DGKA: variants seen among roughly 807,000 people sequenced by gnomAD.
The protein encoded by DGKA is 80 kDa diacylglycerol kinase.
DGKA carries 35 observed loss-of-function variants against 105.0 expected under a neutral mutation model. The ratio of observed to expected loss-of-function variants is 0.33; its 90% CI spans 0.25 to 0.44. The LOEUF is 0.44. Among genes scored for constraint, DGKA ranks in the 20% least tolerant of loss-of-function variants. The probability of loss-of-function intolerance (pLI) is 1.00; values close to 1 mark genes in which losing one functional copy is unlikely to be tolerated. For synonymous variants in DGKA, 296 were observed against 332.0 expected (o/e 0.89, Z 1.18); for missense variants, 665 against 915.0 (o/e 0.73, Z 3.53).
At position 55,953,406 on chromosome 12, in the gene DGKA, G is replaced by A; in HGVS notation, c.2120G>A (p.Cys707Tyr). 6.2e-7 allele frequency: 1 copy of A among 1,614,136 alleles called. No homozygotes were observed. Among genetic ancestry groups the A allele is most frequent in the Non-Finnish European group, 8.5e-7 (1 of 1,180,024 alleles). Residue 707 changes from cysteine (C) to tyrosine (Y), a missense_variant, in exon 23 of 24, where the codon TGT becomes TAT. Cys to Tyr is a radical substitution (Grantham distance 194). Transcript: ENST00000331886. The part of the protein sequence containing the change: ...IDGEPWMQTP[C>Y]TIKITHKNQM... ...GGAGAACCCTGGATGCAGACGCCCT[G>A]TACAGTGAGTATTGACGATCCCAGC...
chr12:55,935,522 G>GGAA (rs1884457278), intron 1 of DGKA: 1 of 152,238 alleles, frequency 6.6e-6, no homozygotes, highest in Non-Finnish European at 1.5e-5. Context: ...CGGAGTGGAA[G>GGAA]GAAGTTCCCA....
Position 55,940,603 on chromosome 12 carries a change from T to G in DGKA, c.919-21T>G, listed in dbSNP as rs934916576. ...GACAGGGTTACCTTCGTGATCTCTCTGTGCCCACCTCGTCTTTCAGATCCA... is the reference window on the plus strand; with the variant it reads ...GACAGGGTTACCTTCGTGATCTCTCGGTGCCCACCTCGTCTTTCAGATCCA... On this transcript the variant is annotated intron_variant, in intron 11 of 23. Coordinates refer to ENST00000331886, the MANE Select transcript of DGKA (RefSeq NM_001345.5). This position sits in a 1 kb window ranked among gnomAD's most constrained non-coding sequence, Gnocchi z 4.3. 6.4e-7 allele frequency: 1 copy of G among 1,566,448 alleles called. No individual in the cohort carries two copies. The highest frequency in any genetic ancestry group is 1.4e-5 in the African/African-American group (1 of 73,102).
upstream of DGKA, chr12:55,927,607 T>C (rs1883219075): frequency 7.4e-7 from 1 of 1,350,310 alleles, no homozygotes; most frequent in Non-Finnish European, 1.0e-6. Flanking sequence ...AGACCCTATC[T>C]AACCCTAAGA....
At chr12:55,930,108 T>C (rs561968938), upstream of DGKA, among the ~76,000 whole-genome samples, 1 of 152,266 alleles carries the variant, frequency 6.6e-6, no homozygotes, top group African/African-American at 2.4e-5. Flanking sequence ...TATTCTTACA[T>C]TGTATGTTTG....
rs1222713153 is a variant in DGKA, at chr12:55,940,860, T to C, written c.1018-37T>C. 4.4e-6 allele frequency: 7 copies of C among 1,608,420 alleles called. No individual in the cohort carries two copies. Among genetic ancestry groups the C allele is most frequent in the Non-Finnish European group, 6.0e-6 (7 of 1,175,284 alleles). ...CCTCTATTTAGGGATTCATGCACAA[T>C]ACAGCTTTTCTTCCCTCTACTTTCT... On this transcript the variant is annotated intron_variant, in intron 12 of 23. Coordinates refer to ENST00000331886, the MANE Select transcript of DGKA (RefSeq NM_001345.5). The surrounding 1 kb of genome is among the most constrained non-coding windows in gnomAD (Gnocchi z 4.3).
At chr12:55,929,670 T>C (rs1345273358), upstream of DGKA, 2 of 152,260 alleles carry the variant, frequency 1.3e-5, no homozygotes, top group Non-Finnish European at 2.9e-5. Context: ...ATTTTTATGA[T>C]GTGGTTGATT....
intron 1 of DGKA, chr12:55,935,976 G>GGCCGGAACT (rs989634102): frequency 1.1e-5 from 11 of 989,396 alleles, no homozygotes; most frequent in South Asian, 9.2e-5. Flanking sequence ...TCACTCAGAG[G>GGCCGGAACT]GCCGGAACTG....
intron 17 of DGKA, among the ~76,000 whole-genome samples, chr12:55,943,914 C>G (rs1328141693): frequency 6.6e-6 from 1 of 152,098 alleles, no homozygotes; most frequent in African/African-American, 2.4e-5. Context: ...TTAGCATAAA[C>G]AAGCAAACAA....
At chr12:55,944,245 A>G (rs1042531099) in intron 17 of DGKA, among the ~76,000 whole-genome samples, 1 of 152,188 alleles carries the variant, frequency 6.6e-6, no homozygotes, top group Non-Finnish European at 1.5e-5. Flanking sequence ...GGCTGCAATG[A>G]GCTATGATTG....
At position 55,932,740 on chromosome 12, in the gene DGKA, C is replaced by CAA. The variant is rs1491067621; in HGVS notation, c.-82+1397_-82+1398dup. The CAA allele has an allele frequency of 1.7e-5, 9 of 544,458 alleles. No homozygotes were observed. Among genetic ancestry groups the CAA allele is most frequent in the Non-Finnish European group, 2.7e-5 (8 of 300,452 alleles). 33.7% of individuals were successfully genotyped at this position (544,458 alleles called of 1,614,324 possible). Reference sequence around the variant, plus strand: ...ACACACACACACACACACACACACACAACCCCCTCAGCCAGGTGTAGCACT... The same window carrying CAA: ...ACACACACACACACACACACACACACAAAACCCCCTCAGCCAGGTGTAGCACT... On this transcript the variant is annotated intron_variant, in intron 1 of 23. Transcript: ENST00000331886. This position sits in a 1 kb window ranked among gnomAD's most constrained non-coding sequence, Gnocchi z 4.3.
chr12:55,940,909 G>T lies in DGKA; in HGVS notation c.1030G>T (p.Asp344Tyr), dbSNP rs752043623. The T allele has an allele frequency of 6.2e-7, 1 of 1,614,118 alleles. No individual in the cohort carries two copies. Among genetic ancestry groups the T allele is most frequent in the Non-Finnish European group, 8.5e-7 (1 of 1,180,010 alleles). Residue 344 changes from aspartate to tyrosine, a missense_variant, in exon 13 of 24, where the codon GAT (aspartate) becomes TAT (tyrosine). Physicochemically the swap from Asp to Tyr is radical, Grantham distance 160 (BLOSUM62 -3). Transcript: ENST00000331886. The surrounding 1 kb of genome is among the most constrained non-coding windows in gnomAD (Gnocchi z 4.3). ...IYPSVLASGP[D>Y]RKNSKTSQKT... is the part of the protein sequence containing the mutation. ...CTTCCCCTCCCAGGCCTCTGGACCG[G>T]ATCGTAAAAATAGCAAAACAAGCCA...
intron 13 of DGKA, 119 bp downstream of exon 13, chr12:55,941,099 C>T (rs1246194302): frequency 6.6e-6 from 9 of 1,360,126 alleles, no homozygotes; most frequent in Admixed American, 2.0e-5. Context: ...TCTCCAGAAA[C>T]TCCACCATGG....
rs1883778883 is a variant in DGKA at position 55,932,435 on chromosome 12, G to T, written c.-82+1091G>T. ...TCCTCTTCGGAACCTCCACAGTGCC[G>T]CACGGGTGGAGAAGGGTTCTTGTTT... On this transcript the variant is annotated intron_variant, in intron 1 of 23. Transcript: ENST00000331886. The surrounding 1 kb of genome is among the most constrained non-coding windows in gnomAD (Gnocchi z 4.3). The T allele has an allele frequency of 6.0e-6, 4 of 666,230 alleles. No individual in the cohort carries two copies. In the Admixed American group the frequency reaches 6.3e-5, roughly 10 times the overall value. 41.3% of individuals were successfully genotyped at this position (666,230 alleles called of 1,614,324 possible). A position where few individuals can be genotyped will look rare whatever the true frequency, so the allele number is the denominator to read the frequency against.
At chr12:55,938,339 A>G (rs2136314874) in intron 5 of DGKA, 172 bp from the exon 6 acceptor site, 1 of 826,680 alleles carries the variant, frequency 1.2e-6, no homozygotes, top group Admixed American at 2.3e-5. Context: ...CACTGAGGGT[A>G]GAGTCCATGC....
intron 2 of DGKA, 179 bp downstream of exon 2, chr12:55,936,746 G>T: frequency 1.0e-6 from 1 of 985,020 alleles, no homozygotes; most frequent in African/African-American, 1.6e-5. Flanking sequence ...AAAAAGATCC[G>T]GATCTACCAC....
rs746830903 is a variant in DGKA at position 55,952,471 on chromosome 12, T to G, written c.1743+40T>G. 1.3e-6 allele frequency: 2 copies of G among 1,590,974 alleles called. No individual in the cohort carries two copies. Among genetic ancestry groups the G allele is most frequent in the Non-Finnish European group, 1.7e-6 (2 of 1,158,984 alleles). On this transcript the variant is annotated intron_variant, in intron 20 of 23. Coordinates refer to ENST00000331886, the MANE Select transcript of DGKA (RefSeq NM_001345.5). The surrounding 1 kb of genome is among the most constrained non-coding windows in gnomAD (Gnocchi z 5.1). ...ACTTAACCCTACATCCTTTTCAGCT[T>G]CTTAATAGCCAAGTTTCTCCCTCCA...
chr12:55,938,428 CTCTT>C, intron 5 of DGKA, 79 bp from the exon 6 acceptor site: 1 of 1,563,326 alleles, frequency 6.4e-7, no homozygotes, highest in South Asian at 1.1e-5. Flanking sequence ...CTCTCCCTGT[CTCTT>C]TGTTTCCCCC....
chr12:55,951,714 T>G lies in DGKA; in HGVS notation c.1518T>G (p.Pro506=). Residue 506 remains proline (P), a synonymous_variant, in exon 18 of 24, where the codon CCT becomes CCG. Coordinates refer to ENST00000331886, the MANE Select transcript of DGKA (RefSeq NM_001345.5). ...HMDRWSVEVI[P]QQTEEKSDPV... ...ATCGATGGTCTGTGGAGGTGATACC[T>G]CAACAAACTGAAGAAAAAAGTGACC... 1.2e-6 allele frequency: 2 copies of G among 1,613,924 alleles called. No individual in the cohort carries two copies. Among genetic ancestry groups the G allele is most frequent in the Non-Finnish European group, 1.7e-6 (2 of 1,180,002 alleles).
At position 55,941,428 on chromosome 12, in the gene DGKA, G is replaced by A; in HGVS notation, c.1176-82G>A. ...GTGTGTCTGGAGGGGCATACCTTGA[G>A]GAACACACAAAGAGGGTGAGGTTCA... On this transcript the variant is annotated intron_variant, in intron 14 of 23. Transcript: ENST00000331886. 3 of 1,585,792 alleles carry A rather than the reference G, an allele frequency of 1.9e-6. No homozygotes were observed. The South Asian group carries it at 3.3e-5, about 18-fold the overall frequency.
Sources: allele counts gnomAD v4.1 joint callset (sites outside exome capture counted in the v4.1 genomes callset), GRCh38; gene constraint gnomAD v4.1.1; non-coding constraint Gnocchi (gnomAD v3.1); transcripts MANE v1.5; gene names NCBI Gene and HGNC (gene_info 2026-07-23, HGNC 2026-07-21).